Variants in EZH2 observed in about 807,000 individuals in gnomAD.
The protein encoded by EZH2 is enhancer of zeste 2 polycomb repressive complex 2 subunit.
EZH2 carries 18 observed loss-of-function variants against 98.4 expected under a neutral mutation model. The ratio of observed to expected loss-of-function variants is 0.18; its 90% CI spans 0.13 to 0.27. The LOEUF is 0.27. EZH2 is among the 10% of genes least tolerant of loss of function. EZH2 has a pLI of 1.00. For missense variants in EZH2, 470 were observed against 935.1 expected (o/e 0.50, Z 6.49); for synonymous variants, 338 against 312.3 (o/e 1.08, Z -0.87).
At chr7:148,858,708 T>C (rs1817221572) in intron 1 of EZH2, among the ~76,000 whole-genome samples, 1 of 152,166 alleles carries the variant, frequency 6.6e-6, no homozygotes, top group Admixed American at 6.5e-5. Flanking sequence ...TTTAATTTAT[T>C]TTTTGTAGAG....
intron 1 of EZH2, among the ~76,000 whole-genome samples, chr7:148,869,742 C>T (rs1272706462): frequency 2.0e-5 from 3 of 152,212 alleles, no homozygotes; most frequent in Admixed American, 6.5e-5. Flanking sequence ...CAGGCACATA[C>T]ATGGTAGATA....
intron 1 of EZH2, among the ~76,000 whole-genome samples, chr7:148,870,347 A>G (rs1819171372): frequency 6.6e-6 from 1 of 152,198 alleles, no homozygotes. Flanking sequence ...CACGTTTTAG[A>G]TCAGAATTTT....
chr7:148,808,030 A>G (rs1474854162), intron 19 of EZH2, among the ~76,000 whole-genome samples: 1 of 152,204 alleles, frequency 6.6e-6, no homozygotes, highest in Non-Finnish European at 1.5e-5. Context: ...GGTCCACATC[A>G]GGATGCTTAG....
rs1013934624 is a variant in EZH2, at chr7:148,843,642, C to CTGGA, written c.246+2824_246+2827dup. Among the ~76,000 whole-genome samples, 15 of 112,792 alleles carry CTGGA rather than the reference C, an allele frequency of 1.3e-4. 1 individual carries two copies. In the Admixed American group the frequency reaches 1.9e-3, roughly 14 times the overall value. The allele number at this position is 112,792 out of a possible 152,430, so 74.0% of individuals were successfully genotyped here. ...ACAGCGTCTCGCTCTGTCGCCCAGG[C>CTGGA]TGGAGTGCAGTGGCGCGATCTCGGC... On this transcript the variant is annotated intron_variant, in intron 3 of 19. Transcript: ENST00000320356.
In EZH2 at chr7:148,848,833, C is replaced by T. The variant is rs115250774; in HGVS notation, c.-7-1528G>A. Reference sequence around the variant, plus strand: ...TCCCTGGGGAACTGGTTCCAGGACACCCCTCGGATACCAAAATCCACAGAT... The same window carrying T: ...TCCCTGGGGAACTGGTTCCAGGACATCCCTCGGATACCAAAATCCACAGAT... On this transcript the variant is annotated intron_variant, in intron 1 of 19. Coordinates refer to ENST00000320356, the MANE Select transcript of EZH2 (RefSeq NM_004456.5). Among the ~76,000 whole-genome samples, 1,099 of 152,170 alleles carry T rather than the reference C, an allele frequency of 7.2e-3. 18 individuals are homozygous for T. The highest frequency in any genetic ancestry group is 0.025 in the African/African-American group (1,048 of 41,502).
Position 148,834,452 on chromosome 7 carries a change from A to G in EZH2, c.247-1702T>C, listed in dbSNP as rs186873712. 2.1e-3 allele frequency among the ~76,000 whole-genome samples: 317 copies of G among 152,164 alleles called. 1 individual carries two copies. Among genetic ancestry groups the G allele is most frequent in the Non-Finnish European group, 3.7e-3 (252 of 68,024 alleles). Reference sequence around the variant, plus strand: ...CAGAACTAGTTGTGGTGAAATTCAGAGTAGAAATCTGGCATATGGGCCACA... The same window carrying G: ...CAGAACTAGTTGTGGTGAAATTCAGGGTAGAAATCTGGCATATGGGCCACA... On this transcript the variant is annotated intron_variant, in intron 3 of 19. Coordinates refer to ENST00000320356, the MANE Select transcript of EZH2 (RefSeq NM_004456.5).
intron 1 of EZH2, among the ~76,000 whole-genome samples, chr7:148,867,204 T>C (rs947816640): frequency 1.3e-5 from 2 of 151,892 alleles, no homozygotes; most frequent in African/African-American, 4.8e-5. Flanking sequence ...TAGGCAACTG[T>C]AATCCCAGCT....
rs754651087 is a variant in EZH2, at chr7:148,832,796, C to A, written c.247-46G>T. On this transcript the variant is annotated intron_variant, in intron 3 of 19. Coordinates refer to ENST00000320356, the MANE Select transcript of EZH2 (RefSeq NM_004456.5). ...TTGACTCTTAAGAATAAAAGGACAA[C>A]CTTAAGCTGTAGCCATCATATTGTA... 4.1e-6 allele frequency: 5 copies of A among 1,227,818 alleles called. No homozygotes were observed. In the Admixed American group the frequency reaches 7.8e-5, roughly 19 times the overall value. 76.1% of individuals were successfully genotyped at this position (1,227,818 alleles called of 1,614,324 possible).
rs1814393783 is a variant in EZH2, at chr7:148,847,263, T to G, written c.36A>C (p.Pro12=). 8 of 1,613,920 alleles carry G rather than the reference T, an allele frequency of 5.0e-6. 1 individual carries two copies. The South Asian group carries it at 7.7e-5, about 16-fold the overall frequency. ...GQTGKKSEKG[P]VCWRKRVKSE... is the part of the protein sequence containing the mutation. Reference sequence around the variant, plus strand: ...ATTTTACACGCTTCCGCCAACAAACTGGTCCCTTCTCAGATTTCTTCCCAG... The same window carrying G: ...ATTTTACACGCTTCCGCCAACAAACGGGTCCCTTCTCAGATTTCTTCCCAG... The change falls in exon 2 of 20, where the codon CCA becomes CCC. Residue 12 remains proline (P), a synonymous_variant. Coordinates refer to ENST00000320356, the MANE Select transcript of EZH2 (RefSeq NM_004456.5).
At chr7:148,831,272 A>T (rs1249029506) in intron 4 of EZH2, among the ~76,000 whole-genome samples, 2 of 152,234 alleles carry the variant, frequency 1.3e-5, no homozygotes, top group African/African-American at 4.8e-5. Context: ...GCAGGTTTTA[A>T]TGTATTCATA....
rs115618915 is a variant in EZH2, at chr7:148,820,734, T to C, written c.908-1047A>G. Among the ~76,000 whole-genome samples, 287 of 152,276 alleles carry C rather than the reference T, an allele frequency of 1.9e-3. 1 individual carries two copies. The highest frequency in any genetic ancestry group is 6.5e-3 in the African/African-American group (270 of 41,570). The stretch of plus-strand genomic sequence containing the variant: ...TTTCTGTTTATGAGTTAAACTAACA[T>C]TGTAGCTGGTTCTCTGAAGAAAAAA... On this transcript the variant is annotated intron_variant, in intron 8 of 19. Transcript: ENST00000320356.
intron 1 of EZH2, among the ~76,000 whole-genome samples, chr7:148,871,187 A>G (rs1819312098): frequency 6.6e-6 from 1 of 152,128 alleles, no homozygotes. Flanking sequence ...AAGAAACAGA[A>G]AATAACAAGT....
At chr7:148,866,301 A>G (rs73158280) in intron 1 of EZH2, among the ~76,000 whole-genome samples, 27,129 of 151,620 alleles carry the variant, frequency 0.18, 2,632 homozygotes, top group East Asian at 0.25. Context: ...GTATTAAGAG[A>G]TGGGGCCTTT....
At chr7:148,810,987 T>G (rs1232475168) in intron 16 of EZH2, among the ~76,000 whole-genome samples, 1 of 152,062 alleles carries the variant, frequency 6.6e-6, no homozygotes, top group Non-Finnish European at 1.5e-5. Context: ...GTCGACAATT[T>G]AAAAGGTGAA....
At chr7:148,834,575 A>T (rs985087865) in intron 3 of EZH2, among the ~76,000 whole-genome samples, 1 of 152,310 alleles carries the variant, frequency 6.6e-6, no homozygotes, top group East Asian at 1.9e-4. Context: ...TAGTGGAAGT[A>T]AAGGTTTAAG....
chr7:148,873,286 G>A (rs1585299402), intron 1 of EZH2, among the ~76,000 whole-genome samples: 2 of 152,076 alleles, frequency 1.3e-5, no homozygotes, highest in Non-Finnish European at 2.9e-5. Flanking sequence ...GAGGTCAGGA[G>A]TTCAAGACCA....
intron 16 of EZH2, among the ~76,000 whole-genome samples, chr7:148,810,922 A>AAAAT (rs1421079277): frequency 6.7e-5 from 10 of 148,900 alleles, no homozygotes; most frequent in African/African-American, 2.5e-4. Context: ...AAAAAAAAAA[A>AAAAT]TTTGGGTGAG....
chr7:148,817,707 C>T (rs79514524), intron 10 of EZH2, 170 bp downstream of exon 10: 50 of 912,072 alleles, frequency 5.5e-5, no homozygotes, highest in African/African-American at 3.5e-4. Flanking sequence ...AGCTAGGGTA[C>T]GGGTGCAGGC....
chr7:148,880,969 T>C (rs1820868173), intron 1 of EZH2, among the ~76,000 whole-genome samples: 1 of 152,046 alleles, frequency 6.6e-6, no homozygotes. Flanking sequence ...AACACAAGAG[T>C]GGGAATTCAG....
Sources: allele counts gnomAD v4.1 joint callset (sites outside exome capture counted in the v4.1 genomes callset), GRCh38; gene constraint gnomAD v4.1.1; transcripts MANE v1.5; gene names NCBI Gene and HGNC (gene_info 2026-07-23, HGNC 2026-07-21).